The following VPS13B variants were observed in gnomAD, a reference collection of about 807,000 sequenced individuals.
VPS13B encodes the protein vacuolar protein sorting 13 homolog B.
In VPS13B, 285 loss-of-function variants were observed where a neutral mutation model predicts 426.4. The ratio of observed to expected loss-of-function variants is 0.67; its 90% CI spans 0.61 to 0.74. VPS13B has a LOEUF of 0.74. VPS13B is among the 30% of genes least tolerant of loss of function. The pLI, the probability that VPS13B is intolerant of heterozygous loss-of-function variation, is 0.00. For synonymous variants in VPS13B, 1,676 were observed against 1,676.4 expected (o/e 1.00, Z 0.01); for missense variants, 4,537 against 4,782.6 (o/e 0.95, Z 1.51).
chr8:99,283,638 T>C (rs1819279391), intron 19 of VPS13B, among the ~76,000 whole-genome samples: 1 of 152,174 alleles, frequency 6.6e-6, no homozygotes, highest in Non-Finnish European at 1.5e-5. Context: ...AAAATGCATG[T>C]GTTTCCACAG....
intron 20 of VPS13B, among the ~76,000 whole-genome samples, chr8:99,390,242 C>T (rs1814361421): frequency 1.3e-5 from 2 of 151,884 alleles, no homozygotes; most frequent in Admixed American, 6.6e-5. Flanking sequence ...GGACTACAGG[C>T]ACCCGCCACC....
At chr8:99,346,982 AT>A in intron 19 of VPS13B, 1 of 153,626 alleles carries the variant, frequency 6.5e-6, no homozygotes, top group Non-Finnish European at 1.4e-5. Context: ...TGAAGATTGC[AT>A]TTTTCTCCAT....
rs563436577 is a variant in VPS13B, at chr8:99,640,049, G to GAGAAA, written c.5221-1702_5221-1698dup. Among the ~76,000 whole-genome samples, 453 of 99,582 alleles carry GAGAAA rather than the reference G, an allele frequency of 4.5e-3. 4 individuals carry two copies. The highest frequency in any genetic ancestry group is 5.9e-3 in the Non-Finnish European group (295 of 50,412). The allele number at this position is 99,582 out of a possible 152,430, so 65.3% of individuals were successfully genotyped here. A position where few individuals can be genotyped will look rare whatever the true frequency, so the allele number is the denominator to read the frequency against. ...ATAAGAAGAAGAAGAAGAAGAAGAA[G>GAGAAA]AGAAAAGAAAAGAAAAGAAAAGAAA... On this transcript the variant is annotated intron_variant, in intron 33 of 61. Transcript: ENST00000357162.
At chr8:99,295,655 A>G (rs576953959) in intron 19 of VPS13B, among the ~76,000 whole-genome samples, 2 of 152,152 alleles carry the variant, frequency 1.3e-5, no homozygotes, top group Non-Finnish European at 2.9e-5. Flanking sequence ...TACCCTTGTG[A>G]TCACTTTCTG....
chr8:99,121,486 A>G (rs1389228045), intron 8 of VPS13B, 41 bp downstream of exon 8: 4 of 1,608,908 alleles, frequency 2.5e-6, no homozygotes, highest in Non-Finnish European at 3.4e-6. Context: ...TATCAACTTT[A>G]ATGCTTAAAT....
chr8:99,107,127 A>AT (rs976069803), intron 5 of VPS13B, among the ~76,000 whole-genome samples: 6 of 152,126 alleles, frequency 3.9e-5, no homozygotes, highest in African/African-American at 1.4e-4. Flanking sequence ...TAGTAATGCC[A>AT]TTTTTTTACT....
At chr8:99,410,197 A>G (rs1161270961) in intron 21 of VPS13B, among the ~76,000 whole-genome samples, 1 of 152,142 alleles carries the variant, frequency 6.6e-6, no homozygotes, top group Non-Finnish European at 1.5e-5. Flanking sequence ...TATTACACTT[A>G]ATTGTTTAAC....
chr8:99,320,489 T>C (rs1227524414), intron 19 of VPS13B, among the ~76,000 whole-genome samples: 1 of 152,236 alleles, frequency 6.6e-6, no homozygotes, highest in Admixed American at 6.5e-5. Flanking sequence ...ATTTGCTATC[T>C]TTGTTGTGTT....
chr8:99,127,057 T>C (rs1015184783), intron 8 of VPS13B, among the ~76,000 whole-genome samples: 3 of 150,766 alleles, frequency 2.0e-5, no homozygotes, highest in African/African-American at 7.3e-5. Context: ...ATCATGCCAC[T>C]GCCACTGCAG....
chr8:99,393,828 T>G (rs1193114920), intron 21 of VPS13B, among the ~76,000 whole-genome samples: 1 of 152,150 alleles, frequency 6.6e-6, no homozygotes, highest in African/African-American at 2.4e-5. Flanking sequence ...AACATTTTCT[T>G]TACCTAGAAT....
chr8:99,557,777 T>C (rs1824667906), intron 31 of VPS13B, among the ~76,000 whole-genome samples: 1 of 152,192 alleles, frequency 6.6e-6, no homozygotes, highest in South Asian at 2.1e-4. Flanking sequence ...TTATAGTCAC[T>C]GCCACCTTTC....
In VPS13B at chr8:99,835,627, G is replaced by A. The variant is rs775601813; in HGVS notation, c.9831G>A (p.Pro3277=). The A allele has an allele frequency of 2.0e-5, 33 of 1,613,852 alleles. 1 individual carries two copies. The highest frequency in any genetic ancestry group is 1.6e-4 in the Middle Eastern group (1 of 6,084). The change falls in exon 54 of 62, where the codon CCG becomes CCA. Residue 3277 remains proline (P), a synonymous_variant. Coordinates refer to ENST00000357162, the MANE Select transcript of VPS13B (RefSeq NM_152564.5). ...HELYHQISSY[P]DCKTKDLLPS... is the part of the protein sequence containing the mutation. ...TGTATCATCAGATTTCCAGTTATCC[G>A]GACTGCAAGACCAAAGACTTACTTC...
intron 33 of VPS13B, among the ~76,000 whole-genome samples, chr8:99,581,478 T>A (rs1826056240): frequency 6.6e-6 from 1 of 152,176 alleles, no homozygotes; most frequent in South Asian, 2.1e-4. Context: ...GTGTTTTAGA[T>A]GGGGTGAGGC....
chr8:99,483,361 G>A (rs1331252778), intron 25 of VPS13B, among the ~76,000 whole-genome samples: 1 of 152,054 alleles, frequency 6.6e-6, no homozygotes, highest in Admixed American at 6.6e-5. Context: ...ATCGTTTCTA[G>A]AGTAAAAGCA....
intron 31 of VPS13B, among the ~76,000 whole-genome samples, chr8:99,559,935 T>G (rs1824810706): frequency 6.6e-6 from 1 of 152,168 alleles, no homozygotes; most frequent in Admixed American, 6.5e-5. Flanking sequence ...TTTTTCCAAT[T>G]CTGTGAAGAA....
At chr8:99,025,575 G>A (rs1842092973) in intron 2 of VPS13B, among the ~76,000 whole-genome samples, 1 of 152,138 alleles carries the variant, frequency 6.6e-6, no homozygotes, top group Non-Finnish European at 1.5e-5. Context: ...TACTGGCCTT[G>A]TAGAATGAGT....
At chr8:99,058,805 G>C (rs1272380523) in intron 3 of VPS13B, among the ~76,000 whole-genome samples, 2 of 152,170 alleles carry the variant, frequency 1.3e-5, no homozygotes, top group Non-Finnish European at 2.9e-5. Flanking sequence ...ATATACAGAG[G>C]AAGTTCTGGG....
intron 21 of VPS13B, among the ~76,000 whole-genome samples, chr8:99,415,688 T>A (rs1037976398): frequency 2.0e-5 from 3 of 152,230 alleles, no homozygotes; most frequent in African/African-American, 4.8e-5. Context: ...GCAGGTCTGC[T>A]GGAGTTTGCT....
Position 99,675,090 on chromosome 8 carries a change from A to C in VPS13B, c.6046+13599A>C, listed in dbSNP as rs149062071. Among the ~76,000 whole-genome samples the C allele has an allele frequency of 3.7e-3, 567 of 152,148 alleles. 3 individuals are homozygous for C. The highest frequency in any genetic ancestry group is 0.013 in the African/African-American group (538 of 41,524). On this transcript the variant is annotated intron_variant, in intron 35 of 61. Coordinates refer to ENST00000357162, the MANE Select transcript of VPS13B (RefSeq NM_152564.5). ...TCATCCTTTTCTTTCAGCTTGAAAA[A>C]AACTCCTTAGCATTTATTGTAATGC... is the stretch of plus-strand genomic sequence containing the variant.
Sources: gnomAD v4.1 joint callset for allele counts (sites outside exome capture counted in the v4.1 genomes callset) on GRCh38, gnomAD v4.1.1 for gene constraint, MANE v1.5 for transcripts, NCBI Gene and HGNC (gene_info 2026-07-23, HGNC 2026-07-21) for gene names.